Variants in ADGRL3 observed in about 807,000 individuals in gnomAD.
The protein encoded by ADGRL3 is adhesion G protein-coupled receptor L3, also known as calcium-independent alpha-latrotoxin receptor 3.
In ADGRL3, 62 loss-of-function variants were observed where a neutral mutation model predicts 153.5. That is an observed-to-expected ratio of 0.40 (90% CI 0.33 to 0.50). ADGRL3 has a LOEUF of 0.50. Among genes scored for constraint, ADGRL3 ranks in the 20% least tolerant of loss-of-function variants. ADGRL3 has a pLI of 0.47. For synonymous variants in ADGRL3, 710 were observed against 672.5 expected (o/e 1.06, Z -0.86); for missense variants, 1,641 against 1,859.4 (o/e 0.88, Z 2.16).
At chr4:61,222,183 A>G (rs1745910123) in intron 1 of ADGRL3, among the ~76,000 whole-genome samples, 1 of 152,124 alleles carries the variant, frequency 6.6e-6, no homozygotes, top group Non-Finnish European at 1.5e-5. Flanking sequence ...TTAATGTCCA[A>G]ATAGAACACT....
At chr4:61,452,228 A>G (rs946860213) in intron 2 of ADGRL3, among the ~76,000 whole-genome samples, 1 of 152,088 alleles carries the variant, frequency 6.6e-6, no homozygotes, top group African/African-American at 2.4e-5. Context: ...CCATTACCTC[A>G]TTCCGGGACT....
chr4:61,708,769 G>C (rs940819834), intron 6 of ADGRL3, among the ~76,000 whole-genome samples: 9 of 151,924 alleles, frequency 5.9e-5, no homozygotes, highest in African/African-American at 2.2e-4. Context: ...AAGGTCTCCT[G>C]TTCCATTCTT....
intron 5 of ADGRL3, among the ~76,000 whole-genome samples, chr4:61,675,127 A>C (rs1478354102): frequency 6.6e-6 from 1 of 151,918 alleles, no homozygotes; most frequent in African/African-American, 2.4e-5. Flanking sequence ...ACTAAATAAA[A>C]TCCTTATTAA....
At chr4:61,503,051 G>T in intron 3 of ADGRL3, among the ~76,000 whole-genome samples, 1 of 152,052 alleles carries the variant, frequency 6.6e-6, no homozygotes, top group East Asian at 1.9e-4. Flanking sequence ...TTAGCCAGTG[G>T]GTACTGAGAT....
intron 9 of ADGRL3, among the ~76,000 whole-genome samples, chr4:61,863,143 A>G (rs1013452388): frequency 2.0e-5 from 3 of 151,658 alleles, no homozygotes; most frequent in Admixed American, 6.6e-5. Context: ...ACATTCCACA[A>G]TGTGCATGAT....
intron 13 of ADGRL3, among the ~76,000 whole-genome samples, chr4:61,913,490 A>G (rs561709727): frequency 6.6e-6 from 1 of 152,168 alleles, no homozygotes; most frequent in Non-Finnish European, 1.5e-5. Flanking sequence ...ACATGTATAC[A>G]TTTCACAGCA....
At chr4:61,417,276 C>T (rs1245347514) in intron 2 of ADGRL3, among the ~76,000 whole-genome samples, 1 of 151,868 alleles carries the variant, frequency 6.6e-6, no homozygotes, top group Non-Finnish European at 1.5e-5. Flanking sequence ...TCACTTGATC[C>T]CAGGAGTTCA....
At chr4:61,745,387 AACTCCAAG>A (rs1348140504) in intron 8 of ADGRL3, among the ~76,000 whole-genome samples, 4 of 152,192 alleles carry the variant, frequency 2.6e-5, no homozygotes, top group Admixed American at 6.5e-5. Context: ...CGAGAAGAGC[AACTCCAAG>A]ACACATAATT....
chr4:61,208,980 A>G (rs1738587249), intron 1 of ADGRL3, among the ~76,000 whole-genome samples: 1 of 152,140 alleles, frequency 6.6e-6, no homozygotes, highest in East Asian at 1.9e-4. Flanking sequence ...TTTACTAGAT[A>G]CTAAAGTTTA....
At chr4:61,717,965 C>T (rs1239962491) in intron 6 of ADGRL3, among the ~76,000 whole-genome samples, 1 of 151,876 alleles carries the variant, frequency 6.6e-6, no homozygotes, top group Admixed American at 6.6e-5. Context: ...ACCTGGGAGG[C>T]GGAGGTTGCA....
chr4:61,352,386 A>G (rs2096067832), intron 1 of ADGRL3, among the ~76,000 whole-genome samples: 1 of 152,042 alleles, frequency 6.6e-6, no homozygotes, highest in Non-Finnish European at 1.5e-5. Context: ...GACTACAGTA[A>G]ACATAACCTT....
intron 8 of ADGRL3, among the ~76,000 whole-genome samples, chr4:61,739,315 T>G (rs965614869): frequency 6.6e-6 from 1 of 150,974 alleles, no homozygotes; most frequent in Non-Finnish European, 1.5e-5. Context: ...TACTTTTTTT[T>G]TTTTGATTGG....
At chr4:61,502,465 G>T (rs1428229675) in intron 3 of ADGRL3, among the ~76,000 whole-genome samples, 8 of 143,306 alleles carry the variant, frequency 5.6e-5, no homozygotes, top group African/African-American at 2.1e-4. Context: ...AAAAATGCTT[G>T]TAGAACCAGC....
At chr4:61,805,206 T>C (rs2097541553) in intron 8 of ADGRL3, among the ~76,000 whole-genome samples, 2 of 152,112 alleles carry the variant, frequency 1.3e-5, no homozygotes, top group South Asian at 4.1e-4. Context: ...TCTCCCAAAG[T>C]GCTGGGATTA....
At chr4:61,429,678 T>C (rs1478174705) in intron 2 of ADGRL3, among the ~76,000 whole-genome samples, 1 of 152,132 alleles carries the variant, frequency 6.6e-6, no homozygotes, top group East Asian at 1.9e-4. Flanking sequence ...TTTGTAGGCA[T>C]TGTGATTTAA....
chr4:61,242,725 A>T (rs527513789), intron 1 of ADGRL3, among the ~76,000 whole-genome samples: 37 of 152,174 alleles, frequency 2.4e-4, no homozygotes, highest in Non-Finnish European at 4.9e-4. Context: ...TGGCTAACAG[A>T]TTACCCTTAA....
At chr4:61,714,773 A>G (rs79380909) in intron 6 of ADGRL3, among the ~76,000 whole-genome samples, 399 of 152,254 alleles carry the variant, frequency 2.6e-3, no homozygotes, top group African/African-American at 9.2e-3. Flanking sequence ...AACAGCTGTA[A>G]TAATAGCAAC....
At chr4:61,346,403 G>T (rs577325877) in intron 1 of ADGRL3, among the ~76,000 whole-genome samples, 1 of 151,504 alleles carries the variant, frequency 6.6e-6, no homozygotes, top group African/African-American at 2.4e-5. Context: ...TTAACATTGG[G>T]CATCACTTTA....
chr4:61,743,076 T>G (rs1261907629), intron 8 of ADGRL3, among the ~76,000 whole-genome samples: 2 of 151,730 alleles, frequency 1.3e-5, no homozygotes, highest in African/African-American at 4.8e-5. Context: ...ATTCCAGCAC[T>G]TTGGGAAGCC....
Sources: gnomAD v4.1 joint callset for allele counts (sites outside exome capture counted in the v4.1 genomes callset) on GRCh38, gnomAD v4.1.1 for gene constraint, MANE v1.5 for transcripts, NCBI Gene and HGNC (gene_info 2026-07-23, HGNC 2026-07-21) for gene names.